CDH20: variants seen among roughly 807,000 people sequenced by gnomAD.
CDH20 encodes cadherin 20.
In CDH20, 29 loss-of-function variants were observed where a neutral mutation model predicts 74.2. That is an observed-to-expected ratio of 0.39 (90% confidence interval 0.29 to 0.53). The LOEUF (loss-of-function observed/expected upper bound fraction) is 0.53, where lower values mean the gene tolerates loss of function less well. CDH20 is among the 20% of genes least tolerant of loss of function. The pLI is 0.69. For missense variants in CDH20, 988 were observed against 1,048.3 expected (o/e 0.94, Z 0.79); for synonymous variants, 469 against 405.4 (o/e 1.16, Z -1.88).
At chr18:61,531,193 C>A (rs545399405) in intron 7 of CDH20, among the ~76,000 whole-genome samples, 1 of 152,344 alleles carries the variant, frequency 6.6e-6, no homozygotes, top group African/African-American at 2.4e-5. Flanking sequence ...GGATTCCCCT[C>A]GATGAGGGAG....
intron 1 of CDH20, among the ~76,000 whole-genome samples, chr18:61,406,332 A>T (rs560940549): frequency 1.3e-5 from 2 of 152,356 alleles, no homozygotes; most frequent in South Asian, 4.1e-4. Context: ...TCCATTATTT[A>T]ACTACCCTAA....
intron 1 of CDH20, among the ~76,000 whole-genome samples, chr18:61,391,067 T>C (rs1911765571): frequency 1.3e-5 from 2 of 152,158 alleles, no homozygotes; most frequent in South Asian, 2.1e-4. Context: ...AACAAAAATC[T>C]AGCAAACACT....
chr18:61,470,972 C>T (rs151227094), intron 1 of CDH20, among the ~76,000 whole-genome samples: 14 of 151,896 alleles, frequency 9.2e-5, no homozygotes, highest in South Asian at 2.1e-4. Flanking sequence ...ACCACCAAGA[C>T]GCATTCTAAA....
At chr18:61,390,038 A>C (rs890346800) in intron 1 of CDH20, among the ~76,000 whole-genome samples, 2 of 152,152 alleles carry the variant, frequency 1.3e-5, no homozygotes, top group African/African-American at 4.8e-5. Context: ...TTTCCAAGCA[A>C]GTATTTTTGG....
At chr18:61,386,261 G>C (rs776205251) in intron 1 of CDH20, among the ~76,000 whole-genome samples, 77 of 152,270 alleles carry the variant, frequency 5.1e-4, no homozygotes, top group Admixed American at 1.2e-3. Flanking sequence ...GATATTTGGA[G>C]GTGTGGCCTT....
In CDH20 at chr18:61,533,877, G is replaced by A. The variant is rs375538992; in HGVS notation, c.1272-2616G>A. On this transcript the variant is annotated intron_variant, in intron 7 of 11. Transcript: ENST00000262717. ...TTCTCAACACTATATTGGAGAGACT[G>A]TCCTTTCCCCATTATGTGTTCTTGG... Among the ~76,000 whole-genome samples the A allele has an allele frequency of 9.2e-5, 14 of 152,298 alleles. 2 individuals carry two copies. The highest frequency in any genetic ancestry group is 7.2e-4 in the Admixed American group (11 of 15,292).
intron 1 of CDH20, among the ~76,000 whole-genome samples, chr18:61,444,880 C>G (rs1384157923): frequency 6.6e-6 from 1 of 152,034 alleles, no homozygotes; most frequent in African/African-American, 2.4e-5. Flanking sequence ...TATTTAGAAA[C>G]TCATTACTTT....
Position 61,554,677 on chromosome 18 carries a change from A to G in CDH20, c.2388A>G (p.Gly796=), listed in dbSNP as rs754745196. 1 of 1,575,198 alleles carries G rather than the reference A, an allele frequency of 6.3e-7. No homozygotes were observed. The highest frequency in any genetic ancestry group is 2.3e-5 in the East Asian group (1 of 43,620). ...CCGAGCTCTACGGGGCGTCGGAGGG[A>G]CCCGCGCCGCTGTGGTGACGGAAGC... ...KLAELYGASE[G]PAPLW The change falls in exon 12 of 12, where the codon GGA becomes GGG. Residue 796 remains glycine, a synonymous_variant. Transcript: ENST00000262717.
chr18:61,514,232 C>T (rs1441864141), intron 6 of CDH20, among the ~76,000 whole-genome samples: 35 of 151,506 alleles, frequency 2.3e-4, no homozygotes, highest in African/African-American at 6.5e-4. Flanking sequence ...CTTCCCTTCT[C>T]GCTTCATTTC....
At chr18:61,521,195 AAAAG>A (rs1457616146) in intron 6 of CDH20, among the ~76,000 whole-genome samples, 1 of 151,276 alleles carries the variant, frequency 6.6e-6, no homozygotes, top group Non-Finnish European at 1.5e-5. Context: ...AATAAAAAAG[AAAAG>A]AGAGAAGAAT....
At chr18:61,401,721 T>G (rs1174454369) in intron 1 of CDH20, among the ~76,000 whole-genome samples, 1 of 152,226 alleles carries the variant, frequency 6.6e-6, no homozygotes, top group East Asian at 1.9e-4. Context: ...TTCACAACTA[T>G]TTTGTTTTTA....
At chr18:61,499,643 C>A (rs992959389) in intron 3 of CDH20, among the ~76,000 whole-genome samples, 163 bp downstream of exon 3, 2 of 152,150 alleles carry the variant, frequency 1.3e-5, no homozygotes, top group East Asian at 1.9e-4. Context: ...AAATGACGAC[C>A]AAGCCCTTTG....
chr18:61,446,939 G>A lies in CDH20; in HGVS notation c.-152-43463G>A, dbSNP rs151009855. 3.9e-5 allele frequency among the ~76,000 whole-genome samples: 6 copies of A among 152,322 alleles called. No homozygotes were observed. In the East Asian group the frequency reaches 9.7e-4, roughly 25 times the overall value. On this transcript the variant is annotated intron_variant, in intron 1 of 11. Coordinates refer to ENST00000262717, the MANE Select transcript of CDH20 (RefSeq NM_031891.4). ...AACCAAGTAATTGTGTTACATCCACGAGAGCCATGAGATTTAGATGAGAAA... is the reference window on the plus strand; with the variant it reads ...AACCAAGTAATTGTGTTACATCCACAAGAGCCATGAGATTTAGATGAGAAA...
intron 1 of CDH20, among the ~76,000 whole-genome samples, chr18:61,480,683 A>G (rs1234919208): frequency 1.3e-5 from 2 of 152,218 alleles, no homozygotes; most frequent in African/African-American, 4.8e-5. Context: ...TTTAACTTAG[A>G]GATCTTGGAT....
intron 9 of CDH20, among the ~76,000 whole-genome samples, chr18:61,544,334 C>T (rs752696898): frequency 5.3e-5 from 8 of 152,240 alleles, no homozygotes; most frequent in East Asian, 1.9e-4. Flanking sequence ...CTCTCAGCTA[C>T]GCCTTCTGCA....
chr18:61,369,380 T>C (rs1022322550), intron 1 of CDH20, among the ~76,000 whole-genome samples: 2 of 152,124 alleles, frequency 1.3e-5, no homozygotes, highest in Non-Finnish European at 2.9e-5. Context: ...GACAGACTTT[T>C]AATGGGAGTC....
chr18:61,473,130 G>T (rs556838225), intron 1 of CDH20, among the ~76,000 whole-genome samples: 1 of 152,208 alleles, frequency 6.6e-6, no homozygotes, highest in Admixed American at 6.5e-5. Flanking sequence ...TAATCAGATT[G>T]ATGTAATATG....
At chr18:61,516,803 G>A (rs890653599) in intron 6 of CDH20, among the ~76,000 whole-genome samples, 9 of 152,156 alleles carry the variant, frequency 5.9e-5, no homozygotes, top group Non-Finnish European at 1.3e-4. Context: ...GATCTCTTAA[G>A]CCTAGGAGTT....
intron 7 of CDH20, among the ~76,000 whole-genome samples, chr18:61,529,683 T>G (rs1372620437): frequency 6.6e-6 from 1 of 152,202 alleles, no homozygotes; most frequent in Non-Finnish European, 1.5e-5. Context: ...CCTAATTTAT[T>G]AATTATATAT....
Sources: allele counts gnomAD v4.1 joint callset (sites outside exome capture counted in the v4.1 genomes callset), GRCh38; gene constraint gnomAD v4.1.1; transcripts MANE v1.5; gene names NCBI Gene and HGNC (gene_info 2026-07-23, HGNC 2026-07-21).